QRSL1: variants seen among roughly 807,000 people sequenced by gnomAD.
QRSL1 encodes the protein glutaminyl-tRNA amidotransferase subunit QRSL1.
Under a neutral mutation model 61.6 loss-of-function variants are expected in QRSL1, and 54 were observed. The ratio of observed to expected loss-of-function variants is 0.88; its 90% CI spans 0.70 to 1.10. The LOEUF (loss-of-function observed/expected upper bound fraction) is 1.10, where lower values mean the gene tolerates loss of function less well. Among genes scored for constraint, QRSL1 ranks in the 50% least tolerant of loss-of-function variants. The probability of loss-of-function intolerance (pLI) is 0.00; values close to 1 mark genes in which losing one functional copy is unlikely to be tolerated. For synonymous variants in QRSL1, 228 were observed against 225.7 expected, an observed-to-expected ratio of 1.01 and a Z score of -0.09; for missense variants, 505 against 622.6, an observed-to-expected ratio of 0.81 and a Z score of 2.01.
In QRSL1 at chr6:106,665,849, TG is replaced by T; in HGVS notation, c.1436del (p.Gly479AspfsTer12). On this transcript the variant is annotated frameshift_variant, in exon 11 of 11. Transcript: ENST00000369046. LOFTEE classifies it high-confidence loss of function. ...GGTTGCCAATAGGACTGCAGTTTAT[TG>T]GACGTGCGTTTTGTGACCAGCAGCT... ...QGLPIGLQFI[G>X]RAFCDQQLLT... is the part of the protein sequence containing the mutation. 6.2e-7 allele frequency: 1 copy of T among 1,613,990 alleles called. No homozygotes were observed. The highest frequency in any genetic ancestry group is 1.1e-5 in the South Asian group (1 of 91,074).
At chr6:106,651,017 C>T (rs182459378) in intron 5 of QRSL1, among the ~76,000 whole-genome samples, 1 of 152,210 alleles carries the variant, frequency 6.6e-6, no homozygotes, top group Admixed American at 6.5e-5. Context: ...GTATTAAAAA[C>T]ATGCAATCAG....
chr6:106,652,383 G>T lies in QRSL1; in HGVS notation c.732G>T (p.Leu244Phe), dbSNP rs1562169786. The T allele has an allele frequency of 4.3e-6, 7 of 1,614,008 alleles. No homozygotes were observed. The highest frequency in any genetic ancestry group is 5.9e-6 in the Non-Finnish European group (7 of 1,179,984). The change falls in exon 6 of 11, where the codon TTG becomes TTT. Residue 244 changes from leucine (L) to phenylalanine (F), a missense_variant and splice_region_variant. Leu to Phe is a conservative substitution (Grantham distance 22). Transcript: ENST00000369046. ...TRCVDDAAIVLGALAGPDPRD... is the reference protein window; with the variant it reads ...TRCVDDAAIVFGALAGPDPRD... The stretch of plus-strand genomic sequence containing the variant: ...GTGTGGATGATGCAGCAATTGTGTT[G>T]GGTATTTATATAATTCTATATCATT...
chr6:106,657,789 C>T (rs773164694), intron 9 of QRSL1, among the ~76,000 whole-genome samples: 22 of 152,120 alleles, frequency 1.4e-4, no homozygotes, highest in Non-Finnish European at 3.2e-4. Flanking sequence ...CACTGCAACC[C>T]TGCCTCCTGG....
Position 106,666,486 on chromosome 6 carries a change from A to G in QRSL1, c.*484A>G, listed in dbSNP as rs1026619. ...AATAATAAATAACGTGTCAGCATTT[A>G]GTAAGCATCCACTAAGTGTACAATA... On this transcript the variant is annotated 3_prime_UTR_variant, in exon 11 of 11. Transcript: ENST00000369046. 56,298 of 167,726 alleles carry G rather than the reference A, an allele frequency of 0.34. 10,157 individuals carry two copies. The highest frequency in any genetic ancestry group is 0.41 in the Non-Finnish European group (31,045 of 75,920). 10.4% of individuals were successfully genotyped at this position (167,726 alleles called of 1,614,324 possible). A position where few individuals can be genotyped will look rare whatever the true frequency, so the allele number is the denominator to read the frequency against.
chr6:106,659,120 C>G (rs1777315013), intron 9 of QRSL1, among the ~76,000 whole-genome samples: 1 of 151,940 alleles, frequency 6.6e-6, no homozygotes. Context: ...GTCTTCTTAT[C>G]CCTTCAATTT....
intron 1 of QRSL1, among the ~76,000 whole-genome samples, chr6:106,636,317 A>G (rs573603945): frequency 4.1e-5 from 6 of 145,242 alleles, no homozygotes; most frequent in Admixed American, 2.7e-4. Context: ...CAGCTCTGCT[A>G]CTTTTTTTTT....
intron 4 of QRSL1, among the ~76,000 whole-genome samples, chr6:106,644,381 C>T (rs940819783): frequency 1.3e-5 from 2 of 152,174 alleles, no homozygotes; most frequent in African/African-American, 2.4e-5. Flanking sequence ...TGGTCTTGAA[C>T]TCCTGGCATC....
chr6:106,646,060 A>C (rs1456365088), intron 4 of QRSL1, among the ~76,000 whole-genome samples: 1 of 152,192 alleles, frequency 6.6e-6, no homozygotes, highest in Non-Finnish European at 1.5e-5. Flanking sequence ...CTTTATACTT[A>C]CCCTTTTATG....
chr6:106,644,762 T>C (rs1415048250), intron 4 of QRSL1, among the ~76,000 whole-genome samples: 3 of 152,102 alleles, frequency 2.0e-5, no homozygotes, highest in Non-Finnish European at 2.9e-5. Flanking sequence ...TCAGGTGATC[T>C]GCCCGCCTGG....
intron 4 of QRSL1, 72 bp from the exon 5 acceptor site, chr6:106,648,953 T>C: frequency 1.4e-6 from 2 of 1,473,270 alleles, no homozygotes; most frequent in Admixed American, 4.1e-5. Flanking sequence ...AAGCAAATAA[T>C]ATACTCAGAA....
At chr6:106,654,479 C>G (rs1245993725) in intron 7 of QRSL1, among the ~76,000 whole-genome samples, 1 of 152,118 alleles carries the variant, frequency 6.6e-6, no homozygotes, top group African/African-American at 2.4e-5. Flanking sequence ...TTTTCCCCAA[C>G]CAGATCTCCA....
Position 106,640,437 on chromosome 6 carries a change from A to G in QRSL1, c.113A>G (p.Asn38Ser). 1 of 1,611,826 alleles carries G rather than the reference A, an allele frequency of 6.2e-7. No homozygotes were observed. The highest frequency in any genetic ancestry group is 8.5e-7 in the Non-Finnish European group (1 of 1,178,824). The change falls in exon 2 of 11, where the codon AAT becomes AGT. Residue 38 changes from asparagine (N) to serine (S), a missense_variant. Transcript: ENST00000369046. ...CTTATCAAGAAGACCAAGTTTCTAA[A>G]TGCCTACATTACTGTGTCAGAAGAG... is the stretch of plus-strand genomic sequence containing the variant. ...LSLIKKTKFL[N>S]AYITVSEEVA...
intron 4 of QRSL1, among the ~76,000 whole-genome samples, chr6:106,643,999 G>A (rs1046546054): frequency 6.6e-6 from 1 of 151,752 alleles, no homozygotes; most frequent in Non-Finnish European, 1.5e-5. Flanking sequence ...AGCCTCCCAA[G>A]TAGCTGGGAC....
chr6:106,660,366 T>C (rs1777338217), intron 9 of QRSL1, among the ~76,000 whole-genome samples: 1 of 150,810 alleles, frequency 6.6e-6, no homozygotes, highest in Admixed American at 6.6e-5. Flanking sequence ...GTAGTTTTTT[T>C]TGTAGAGACA....
At chr6:106,634,147 G>A (rs976874373) in intron 1 of QRSL1, among the ~76,000 whole-genome samples, 2 of 152,166 alleles carry the variant, frequency 1.3e-5, no homozygotes, top group African/African-American at 4.8e-5. Flanking sequence ...GCAGATCTGA[G>A]AGAATAGTGT....
intron 3 of QRSL1, 73 bp from the exon 4 acceptor site, chr6:106,642,921 T>C (rs944163534): frequency 7.6e-6 from 8 of 1,053,342 alleles, no homozygotes; most frequent in Non-Finnish European, 1.2e-5. Flanking sequence ...TGTGAATTCA[T>C]GGCATAATAG....
chr6:106,640,127 A>G (rs1776994310), intron 1 of QRSL1: 2 of 406,754 alleles, frequency 4.9e-6, no homozygotes, highest in Non-Finnish European at 8.8e-6. Context: ...AAAGTTGGCT[A>G]AGGAGAAGAA....
chr6:106,640,278 C>T, intron 1 of QRSL1, 71 bp from the exon 2 acceptor site: 3 of 1,384,502 alleles, frequency 2.2e-6, no homozygotes, highest in South Asian at 1.2e-5. Flanking sequence ...CATCTCCCCC[C>T]ACCCCCACCA....
chr6:106,649,674 T>A (rs1777165229), intron 5 of QRSL1, among the ~76,000 whole-genome samples: 1 of 152,206 alleles, frequency 6.6e-6, no homozygotes. Context: ...TAAGATATTT[T>A]AAATAGTGTT....
Sources: gnomAD v4.1 joint callset for allele counts (sites outside exome capture counted in the v4.1 genomes callset) on GRCh38, gnomAD v4.1.1 for gene constraint, MANE v1.5 for transcripts, NCBI Gene and HGNC (gene_info 2026-07-23, HGNC 2026-07-21) for gene names.